The following RERG variants were observed in gnomAD, a reference collection of about 807,000 sequenced individuals.
RERG encodes the protein RAS like estrogen regulated growth inhibitor, also known as ras-related and estrogen-regulated growth inhibitor.
In RERG, 25 loss-of-function variants were observed where a neutral mutation model predicts 23.2. That is an observed-to-expected ratio of 1.08 (90% CI 0.79 to 1.50). The LOEUF (loss-of-function observed/expected upper bound fraction) is 1.50. Among genes scored for constraint, RERG ranks in the 40% most tolerant of loss-of-function variants. The probability of loss-of-function intolerance (pLI) is 0.00; values close to 1 mark genes in which losing one functional copy is unlikely to be tolerated. For synonymous variants in RERG, 81 were observed against 89.1 expected (o/e 0.91, Z 0.51); for missense variants, 253 against 250.1 (o/e 1.01, Z -0.08).
intron 1 of RERG, among the ~76,000 whole-genome samples, chr12:15,218,952 T>G (rs1453926133): frequency 6.6e-6 from 1 of 152,076 alleles, no homozygotes; most frequent in African/African-American, 2.4e-5. Context: ...TTCCCTGAGA[T>G]TTTCACTATC....
intron 4 of RERG, 102 bp downstream of exon 4, chr12:15,111,242 T>C (rs1484649279): frequency 1.2e-6 from 1 of 802,916 alleles, no homozygotes; most frequent in African/African-American, 1.7e-5. Flanking sequence ...GTTTTAGGCA[T>C]GCAAAAGTTA....
At chr12:15,137,192 C>T (rs1211700242) in intron 2 of RERG, among the ~76,000 whole-genome samples, 1 of 151,654 alleles carries the variant, frequency 6.6e-6, no homozygotes, top group African/African-American at 2.4e-5. Flanking sequence ...TTTCCTTTCT[C>T]TGAAGTTTGT....
intron 2 of RERG, among the ~76,000 whole-genome samples, chr12:15,127,236 C>T (rs181700352): frequency 1.3e-4 from 20 of 152,286 alleles, no homozygotes; most frequent in African/African-American, 4.6e-4. Context: ...AAGCCTTGTT[C>T]ATCTTTATGT....
At chr12:15,186,797 G>T (rs907014979) in intron 2 of RERG, among the ~76,000 whole-genome samples, 32 of 152,304 alleles carry the variant, frequency 2.1e-4, no homozygotes, top group African/African-American at 7.7e-4. Context: ...GACAGTTGCA[G>T]CACTGGGGAT....
intron 2 of RERG, among the ~76,000 whole-genome samples, chr12:15,200,508 T>G (rs1466409302): frequency 6.6e-6 from 1 of 152,050 alleles, no homozygotes; most frequent in Non-Finnish European, 1.5e-5. Flanking sequence ...TCATGAATTA[T>G]TCATGGCAGA....
intron 1 of RERG, among the ~76,000 whole-genome samples, chr12:15,218,740 C>T (rs1865477503): frequency 6.6e-6 from 1 of 151,882 alleles, no homozygotes; most frequent in South Asian, 2.1e-4. Flanking sequence ...TTGCTCCATC[C>T]TAGGCTTCTT....
At chr12:15,186,198 C>T (rs891726580) in intron 2 of RERG, among the ~76,000 whole-genome samples, 1 of 151,466 alleles carries the variant, frequency 6.6e-6, no homozygotes, top group Admixed American at 6.6e-5. Flanking sequence ...TCAGAGGATA[C>T]CCAAATAGCT....
At chr12:15,181,920 C>T (rs1174352351) in intron 2 of RERG, among the ~76,000 whole-genome samples, 1 of 152,196 alleles carries the variant, frequency 6.6e-6, no homozygotes, top group Non-Finnish European at 1.5e-5. Context: ...AATGTCATTA[C>T]AACCACTGAC....
chr12:15,170,121 C>T (rs761560632), intron 2 of RERG, among the ~76,000 whole-genome samples: 1 of 151,244 alleles, frequency 6.6e-6, no homozygotes, highest in African/African-American at 2.5e-5. Context: ...ATGAATTCAA[C>T]TCCAAAGTGA....
chr12:15,151,988 G>A (rs1864450548), intron 2 of RERG: 1 of 152,168 alleles, frequency 6.6e-6, no homozygotes, highest in African/African-American at 2.4e-5. Flanking sequence ...CCACCTTCTT[G>A]CCTACAGTTC....
chr12:15,130,977 T>C (rs1235818281), intron 2 of RERG, among the ~76,000 whole-genome samples: 1 of 152,152 alleles, frequency 6.6e-6, no homozygotes, highest in African/African-American at 2.4e-5. Context: ...GTAATTTGGT[T>C]TTAGGCTGAC....
At chr12:15,213,350 T>C (rs1865394934) in intron 2 of RERG, among the ~76,000 whole-genome samples, 1 of 152,252 alleles carries the variant, frequency 6.6e-6, no homozygotes, top group Non-Finnish European at 1.5e-5. Context: ...TGTCAAAATA[T>C]AGGCTGATGC....
At position 15,107,818 on chromosome 12, in the gene RERG, C is replaced by T. The variant is rs1262355249; in HGVS notation, c.*1292G>A. The T allele has an allele frequency of 6.6e-6, 1 of 152,498 alleles. No individual in the cohort carries two copies. The highest frequency in any genetic ancestry group is 2.4e-5 in the African/African-American group (1 of 41,426). 9.4% of individuals were successfully genotyped at this position (152,498 alleles called of 1,614,324 possible). ...AGAAAATTATGCTTTTTATTATAGT[C>T]ACATAAAATAAAGTCAGTTACATCA... On this transcript the variant is annotated 3_prime_UTR_variant, in exon 5 of 5. Transcript: ENST00000256953.
At chr12:15,110,467 T>TTC in intron 4 of RERG, among the ~76,000 whole-genome samples, 1 of 67,960 alleles carries the variant, frequency 1.5e-5, no homozygotes, top group African/African-American at 5.3e-5. Flanking sequence ...TTTTTTCTTT[T>TTC]TTTTTTTTTT....
At chr12:15,129,228 A>G (rs1864000537) in intron 2 of RERG, among the ~76,000 whole-genome samples, 1 of 152,094 alleles carries the variant, frequency 6.6e-6, no homozygotes, top group Non-Finnish European at 1.5e-5. Context: ...TCTGTACTGA[A>G]GAGCTGTTCT....
chr12:15,211,186 A>G (rs562943284), intron 2 of RERG, among the ~76,000 whole-genome samples: 32 of 152,074 alleles, frequency 2.1e-4, no homozygotes, highest in Non-Finnish European at 3.8e-4. Flanking sequence ...TCTTATGTCC[A>G]CACTCCCATG....
At position 15,221,254 on chromosome 12, in the gene RERG, C is replaced by T. The variant is rs1239446609; in HGVS notation, c.-174G>A. On this transcript the variant is annotated 5_prime_UTR_variant, in exon 1 of 5. Transcript: ENST00000256953. ...CCTCTGCAAGTTCGGAATGGGTCCC[C>T]CAAGATCGCGAAGCCCTCCCACACT... 1 of 152,362 alleles carries T rather than the reference C, an allele frequency of 6.6e-6. No homozygotes were observed. The highest frequency in any genetic ancestry group is 1.5e-5 in the Non-Finnish European group (1 of 68,150). 9.4% of individuals were successfully genotyped at this position (152,362 alleles called of 1,614,324 possible).
At chr12:15,186,035 A>C (rs1325578341) in intron 2 of RERG, among the ~76,000 whole-genome samples, 1 of 152,084 alleles carries the variant, frequency 6.6e-6, no homozygotes, top group Non-Finnish European at 1.5e-5. Flanking sequence ...AGAAAAATAT[A>C]ACATCAAAAA....
chr12:15,167,698 A>G (rs1483486048), intron 2 of RERG, among the ~76,000 whole-genome samples: 1 of 152,234 alleles, frequency 6.6e-6, no homozygotes, highest in East Asian at 1.9e-4. Flanking sequence ...AACTTTAAAA[A>G]TAGATAATCT....
Sources: allele counts gnomAD v4.1 joint callset (sites outside exome capture counted in the v4.1 genomes callset), GRCh38; gene constraint gnomAD v4.1.1; transcripts MANE v1.5; gene names NCBI Gene and HGNC (gene_info 2026-07-23, HGNC 2026-07-21).